Variants in CHD5 observed in about 807,000 individuals in gnomAD.
The protein encoded by CHD5 is chromodomain helicase DNA binding protein 5.
In CHD5, 69 loss-of-function variants were observed where a neutral mutation model predicts 230.3. The observed-to-expected ratio is 0.30, with a 90% CI of 0.25 to 0.37. The LOEUF is 0.37. Ranked by LOEUF, CHD5 falls within the 10% of genes least tolerant of loss-of-function variation. The probability of loss-of-function intolerance (pLI) is 1.00; values close to 1 mark genes in which losing one functional copy is unlikely to be tolerated. For missense variants in CHD5, 1,827 were observed against 2,622.8 expected, an observed-to-expected ratio of 0.70 and a Z score of 6.63; for synonymous variants, 1,064 against 1,065.9, an observed-to-expected ratio of 1.00 and a Z score of 0.03.
chr1:6,159,212 C>G, intron 3 of CHD5, 124 bp downstream of exon 3: 2 of 1,458,138 alleles, frequency 1.4e-6, no homozygotes, highest in African/African-American at 3.0e-5. Context: ...AGCCTGGCAA[C>G]AGAGTGAGAC....
chr1:6,123,483 G>A (rs1666503638), intron 31 of CHD5, among the ~76,000 whole-genome samples: 1 of 151,872 alleles, frequency 6.6e-6, no homozygotes, highest in African/African-American at 2.4e-5. Flanking sequence ...CTGGAGTGCA[G>A]TGGTGTGATC....
rs757436403 is a variant in CHD5 at position 6,146,272 on chromosome 1, C to T, written c.1742G>A (p.Arg581His). ...TGGCTTGATGCCATAGCGGTAGAAG[C>T]GCTCCTCCATCTTGGCATAGAGGGG... ...KDPLYAKMEERFYRYGIKPEW... is the reference protein window; with the variant it reads ...KDPLYAKMEEHFYRYGIKPEW... The change falls in exon 11 of 42, where the codon CGC becomes CAC. Residue 581 changes from arginine to histidine, a missense_variant. Coordinates refer to ENST00000262450, the MANE Select transcript of CHD5 (RefSeq NM_015557.3). This position sits in a 1 kb window ranked among gnomAD's most constrained non-coding sequence, Gnocchi z 5.1. The T allele has an allele frequency of 1.9e-5, 31 of 1,614,068 alleles. No individual in the cohort carries two copies. The East Asian group carries it at 5.6e-4, about 29-fold the overall frequency.
intron 1 of CHD5, among the ~76,000 whole-genome samples, chr1:6,175,797 G>A (rs923416820): frequency 5.3e-5 from 8 of 149,956 alleles, no homozygotes; most frequent in African/African-American, 2.0e-4. Flanking sequence ...GGGTAGATGT[G>A]GGAGAGCAGG....
chr1:6,122,326 T>C (rs949268411), intron 31 of CHD5, among the ~76,000 whole-genome samples: 7 of 152,152 alleles, frequency 4.6e-5, no homozygotes, highest in Non-Finnish European at 7.3e-5. Flanking sequence ...CCCAATTAAG[T>C]GTGCAAAGAA....
At chr1:6,150,359 TG>T (rs1557554747) in intron 7 of CHD5, among the ~76,000 whole-genome samples, 2 of 137,742 alleles carry the variant, frequency 1.5e-5, no homozygotes, top group African/African-American at 5.7e-5. Flanking sequence ...GATGGATGGA[TG>T]GACAAAAGGA....
At position 6,128,337 on chromosome 1, in the gene CHD5, G is replaced by T. The variant is rs1553139169; in HGVS notation, c.3731-119C>A. ...CCCCAGCAGGGGCTGCAGCTGAGAG[G>T]CATGGTGACCAGACAGAGGAAACTG... On this transcript the variant is annotated intron_variant, in intron 24 of 41. Transcript: ENST00000262450. This position sits in a 1 kb window ranked among gnomAD's most constrained non-coding sequence, Gnocchi z 7.8. The T allele has an allele frequency of 9.4e-6, 11 of 1,176,394 alleles. No homozygotes were observed. Among genetic ancestry groups the T allele is most frequent in the Non-Finnish European group, 3.7e-6 (3 of 821,072 alleles). The allele number at this position is 1,176,394 out of a possible 1,614,324, so 72.9% of individuals were successfully genotyped here.
In CHD5 at chr1:6,155,465, C is replaced by A. The variant is rs1452251223; in HGVS notation, c.506+134G>T. ...GGTCCTGCCCCCTCCCTCCAGCTCC[C>A]CCAGGTTGCTCAGTCGGTCTGACAG... is the stretch of plus-strand genomic sequence containing the variant. On this transcript the variant is annotated intron_variant, in intron 4 of 41. Transcript: ENST00000262450. This position sits in a 1 kb window ranked among gnomAD's most constrained non-coding sequence, Gnocchi z 4.0. 2 of 706,998 alleles carry A rather than the reference C, an allele frequency of 2.8e-6. No homozygotes were observed. Among genetic ancestry groups the A allele is most frequent in the Non-Finnish European group, 4.9e-6 (2 of 405,806 alleles). The allele number at this position is 706,998 out of a possible 1,614,324, so 43.8% of individuals were successfully genotyped here. A position where few individuals can be genotyped will look rare whatever the true frequency, so the allele number is the denominator to read the frequency against.
chr1:6,114,962 C>T (rs1349544322), intron 33 of CHD5, among the ~76,000 whole-genome samples: 3 of 150,686 alleles, frequency 2.0e-5, no homozygotes, highest in East Asian at 2.0e-4. Flanking sequence ...TACAGTGAGC[C>T]GAGATTGCAC....
chr1:6,172,024 G>C (rs1024254784), intron 1 of CHD5, among the ~76,000 whole-genome samples: 1 of 152,222 alleles, frequency 6.6e-6, no homozygotes, highest in Non-Finnish European at 1.5e-5. Flanking sequence ...GGCTCAAGTC[G>C]ACCAGAGGAA....
intron 1 of CHD5, among the ~76,000 whole-genome samples, chr1:6,175,359 GATGGATGC>G (rs1477343507): frequency 8.3e-6 from 1 of 119,802 alleles, no homozygotes; most frequent in Non-Finnish European, 1.6e-5. Context: ...GTGGATGGTG[GATGGATGC>G]ATGGATGGAT....
At chr1:6,109,079 G>A (rs1484380234) in intron 38 of CHD5, among the ~76,000 whole-genome samples, 1 of 152,044 alleles carries the variant, frequency 6.6e-6, no homozygotes, top group African/African-American at 2.4e-5. Flanking sequence ...GGACACAGCA[G>A]GAGCTTCCAA....
At chr1:6,179,139 C>T (rs1447435958) in intron 1 of CHD5, among the ~76,000 whole-genome samples, 2 of 152,228 alleles carry the variant, frequency 1.3e-5, no homozygotes, top group Non-Finnish European at 2.9e-5. Flanking sequence ...ATACTAAATT[C>T]TGAGAGAGAT....
chr1:6,165,572 C>CT (rs1206641233), intron 2 of CHD5, among the ~76,000 whole-genome samples: 2 of 152,076 alleles, frequency 1.3e-5, no homozygotes, highest in Non-Finnish European at 2.9e-5. Context: ...GAGCCCAGGT[C>CT]TGAGGAGTGA....
At chr1:6,159,232 C>T in intron 3 of CHD5, 104 bp downstream of exon 3, 1 of 982,834 alleles carries the variant, frequency 1.0e-6, no homozygotes, top group Non-Finnish European at 1.3e-6. Context: ...CTCCATCACA[C>T]ACACACACAC....
chr1:6,154,988 T>C lies in CHD5; in HGVS notation c.507-90A>G, dbSNP rs12035285. The C allele has an allele frequency of 0.11, 121,822 of 1,154,022 alleles. 9,148 individuals carry two copies. The highest frequency in any genetic ancestry group is 0.33 in the East Asian group (13,559 of 41,116). 71.5% of individuals were successfully genotyped at this position (1,154,022 alleles called of 1,614,324 possible). A position where few individuals can be genotyped will look rare whatever the true frequency, so the allele number is the denominator to read the frequency against. ...CGGCAGGGCCCACCCCTCTGCCACA[T>C]GTGCGATCTATGGCAGCAGCCCCAG... On this transcript the variant is annotated intron_variant, in intron 4 of 41. Coordinates refer to ENST00000262450, the MANE Select transcript of CHD5 (RefSeq NM_015557.3). The surrounding 1 kb of genome is among the most constrained non-coding windows in gnomAD (Gnocchi z 7.0).
chr1:6,105,462 G>A lies in CHD5; in HGVS notation c.*47-35C>T. 2.1e-6 allele frequency: 1 copy of A among 469,192 alleles called. No individual in the cohort carries two copies. 29.1% of individuals were successfully genotyped at this position (469,192 alleles called of 1,614,324 possible). On this transcript the variant is annotated intron_variant, in intron 41 of 41. Transcript: ENST00000262450. The surrounding 1 kb of genome is among the most constrained non-coding windows in gnomAD (Gnocchi z 4.8). ...GCAAATCAGTGGGTTAAGCAGGTGG[G>A]CAGTTATAGGGGGCATCAGGGTGGC... is the stretch of plus-strand genomic sequence containing the variant.
At chr1:6,106,580 G>C in intron 39 of CHD5, 36 bp downstream of exon 39, 1 of 1,551,262 alleles carries the variant, frequency 6.4e-7, no homozygotes, top group South Asian at 1.2e-5. Context: ...GGGCACGCCA[G>C]GGGGCTCGGG....
intron 25 of CHD5, among the ~76,000 whole-genome samples, chr1:6,127,699 G>T (rs945646014): frequency 6.6e-6 from 1 of 152,198 alleles, no homozygotes; most frequent in Non-Finnish European, 1.5e-5. Flanking sequence ...TGACGCCACG[G>T]AGCAGGCGGC....
rs1373660751 is a variant in CHD5 at position 6,128,503 on chromosome 1, C to T, written c.3726G>A (p.Pro1242=). 28 of 1,612,256 alleles carry T rather than the reference C, an allele frequency of 1.7e-5. No homozygotes were observed. The highest frequency in any genetic ancestry group is 4.5e-5 in the East Asian group (2 of 44,880). ...ASAKKKHGST[P]PGDNKDVEDS... is the part of the protein sequence containing the mutation. ...CTGGGCTGGGTTGGCCCCTACCTGG[C>T]GGGGTGCTACCGTGCTTCTTCTTTG... The change falls in exon 24 of 42, where the codon CCG becomes CCA. Residue 1242 remains proline (P), a synonymous_variant. Transcript: ENST00000262450. This position sits in a 1 kb window ranked among gnomAD's most constrained non-coding sequence, Gnocchi z 7.8.
Sources: gnomAD v4.1 joint callset for allele counts (sites outside exome capture counted in the v4.1 genomes callset) on GRCh38, gnomAD v4.1.1 for gene constraint, Gnocchi (gnomAD v3.1) non-coding constraint, MANE v1.5 for transcripts, NCBI Gene and HGNC (gene_info 2026-07-23, HGNC 2026-07-21) for gene names.